Variants in NUP133 observed in about 807,000 individuals in gnomAD.
The protein encoded by NUP133 is nucleoporin 133, also known as nuclear pore complex protein Nup133.
NUP133 carries 66 observed loss-of-function variants against 146.2 expected under a neutral mutation model. That is an observed-to-expected ratio of 0.45 (90% CI 0.37 to 0.55). NUP133 has a LOEUF of 0.55. Among genes scored for constraint, NUP133 ranks in the 20% least tolerant of loss-of-function variants. The pLI, the probability that NUP133 is intolerant of heterozygous loss-of-function variation, is 0.00. For missense variants in NUP133, 1,277 were observed against 1,374.8 expected, an observed-to-expected ratio of 0.93 and a Z score of 1.12; for synonymous variants, 521 against 498.8, an observed-to-expected ratio of 1.04 and a Z score of -0.59.
intron 22 of NUP133, 26 bp from the exon 23 acceptor site, chr1:229,450,631 A>T: frequency 8.4e-7 from 1 of 1,190,692 alleles, no homozygotes; most frequent in Non-Finnish European, 1.2e-6. Flanking sequence ...ATAAGGTAGA[A>T]GATTATACAA....
At chr1:229,462,798 C>T (rs773813995) in intron 19 of NUP133, among the ~76,000 whole-genome samples, 6 of 152,084 alleles carry the variant, frequency 3.9e-5, no homozygotes, top group South Asian at 2.1e-4. Context: ...GTGATCCTAC[C>T]GCCTTGGCCT....
chr1:229,466,607 G>C (rs746342214), intron 16 of NUP133, 27 bp downstream of exon 16: 8 of 1,613,104 alleles, frequency 5.0e-6, no homozygotes, highest in Non-Finnish European at 6.8e-6. Flanking sequence ...GCTTTGATTT[G>C]CTGAAGCCTT....
chr1:229,493,817 C>G (rs542818531), intron 8 of NUP133, among the ~76,000 whole-genome samples: 2 of 152,146 alleles, frequency 1.3e-5, no homozygotes, highest in Admixed American at 1.3e-4. Flanking sequence ...CCTCATGCCT[C>G]CAATTCAGAA....
intron 19 of NUP133, among the ~76,000 whole-genome samples, chr1:229,461,396 T>G (rs751506142): frequency 6.6e-6 from 1 of 152,202 alleles, no homozygotes; most frequent in Non-Finnish European, 1.5e-5. Flanking sequence ...TAAGAGATAC[T>G]TTCCCTAAAG....
chr1:229,465,506 G>A lies in NUP133; in HGVS notation c.2213C>T (p.Ala738Val). Residue 738 changes from alanine (A) to valine (V), a missense_variant, in exon 17 of 26, where the codon GCT becomes GTT. By Grantham distance (64) the Ala-to-Val change is moderately conservative. Around this residue, in one of 3 missense-constraint regions of NUP133, gnomAD observed 952 missense variants for 1,047.0 expected, o/e 0.91. Coordinates refer to ENST00000261396, the MANE Select transcript of NUP133 (RefSeq NM_018230.3). ...VNNILKDMLQ[A>V]ASHYRQNRNS... The stretch of plus-strand genomic sequence containing the variant: ...TCTATTTTGGCGATAATGACTAGCA[G>A]CCTGCAGCATATCCTGGAAAAAAAG... 1 of 1,613,312 alleles carries A rather than the reference G, an allele frequency of 6.2e-7. No individual in the cohort carries two copies. The highest frequency in any genetic ancestry group is 1.1e-5 in the South Asian group (1 of 91,070).
At chr1:229,442,792 G>GC (rs2102742735) in intron 25 of NUP133, among the ~76,000 whole-genome samples, 1 of 147,630 alleles carries the variant, frequency 6.8e-6, no homozygotes, top group East Asian at 2.0e-4. Context: ...AGCAACCTCT[G>GC]CCTTCTGGGT....
At chr1:229,492,933 T>A (rs1470343272) in intron 8 of NUP133, among the ~76,000 whole-genome samples, 1 of 151,752 alleles carries the variant, frequency 6.6e-6, no homozygotes, top group African/African-American at 2.4e-5. Context: ...AAAAAAAAAA[T>A]CAACTTTAAA....
At position 229,442,040 on chromosome 1, in the gene NUP133, C is replaced by G; in HGVS notation, c.3335G>C (p.Gly1112Ala). 1 of 1,555,406 alleles carries G rather than the reference C, an allele frequency of 6.4e-7. No individual in the cohort carries two copies. ...CGGTAAGTACTCACTGAGCTGAATG[C>G]CTATAAACACAAACACAAGAAGTCA... ...VKILQKLLKDGIQLSEYLPEV... is the reference protein window; with the variant it reads ...VKILQKLLKDAIQLSEYLPEV... Residue 1112 changes from glycine (G) to alanine (A), a missense_variant and splice_region_variant, in exon 26 of 26, where the codon GGC becomes GCC. Around this residue, in one of 3 missense-constraint regions of NUP133, gnomAD observed 952 missense variants for 1,047.0 expected, o/e 0.91. Transcript: ENST00000261396.
chr1:229,488,058 C>A (rs996656469), intron 9 of NUP133, among the ~76,000 whole-genome samples: 1 of 151,988 alleles, frequency 6.6e-6, no homozygotes, highest in African/African-American at 2.4e-5. Flanking sequence ...GTTGGCCAGG[C>A]TGGTCTTGAA....
At chr1:229,503,143 T>TGGG (rs1661847938) in intron 2 of NUP133, among the ~76,000 whole-genome samples, 3 of 151,394 alleles carry the variant, frequency 2.0e-5, no homozygotes, top group African/African-American at 7.3e-5. Context: ...GGGGGCATGG[T>TGGG]GGCGTGCACC....
chr1:229,492,485 A>C (rs1338766243), intron 8 of NUP133, among the ~76,000 whole-genome samples: 1 of 152,172 alleles, frequency 6.6e-6, no homozygotes, highest in East Asian at 1.9e-4. Context: ...ACTAAAAATA[A>C]GAAACCAAGC....
Position 229,463,659 on chromosome 1 carries a change from G to C in NUP133, c.2569C>G (p.Leu857Val), listed in dbSNP as rs372600439. The C allele has an allele frequency of 3.7e-5, 60 of 1,612,464 alleles. No individual in the cohort carries two copies. Among genetic ancestry groups the C allele is most frequent in the Non-Finnish European group, 5.0e-5 (59 of 1,179,698 alleles). ...LSPLLSLGQY[L>V]WAASLAEKYC... is the part of the protein sequence containing the mutation. ...TTCTCTGCTAGAGAAGCAGCCCACA[G>C]GTACTGGCCTAGTGAAACTGTGGGA... is the stretch of plus-strand genomic sequence containing the variant. The change falls in exon 19 of 26, where the codon CTG (leucine) becomes GTG (valine). Residue 857 changes from leucine (L) to valine (V), a missense_variant. Around this residue, in one of 3 missense-constraint regions of NUP133, gnomAD observed 952 missense variants for 1,047.0 expected, o/e 0.91. Transcript: ENST00000261396.
chr1:229,476,118 A>AG (rs1553258484), intron 13 of NUP133, among the ~76,000 whole-genome samples: 3 of 151,458 alleles, frequency 2.0e-5, no homozygotes, highest in Non-Finnish European at 2.9e-5. Context: ...AAAAAAGAAA[A>AG]GGGAAAAAAA....
chr1:229,493,317 ATG>A (rs1489390058), intron 8 of NUP133, among the ~76,000 whole-genome samples: 1 of 152,160 alleles, frequency 6.6e-6, no homozygotes, highest in African/African-American at 2.4e-5. Context: ...AGCTGGGACT[ATG>A]GTACACACCA....
intron 7 of NUP133, 61 bp from the exon 8 acceptor site, chr1:229,495,626 T>A (rs1661637461): frequency 7.9e-7 from 1 of 1,260,300 alleles, no homozygotes. Context: ...TTTTCACCTT[T>A]ATATCCCTAG....
chr1:229,477,962 A>G (rs968980871), intron 12 of NUP133, among the ~76,000 whole-genome samples: 9 of 152,202 alleles, frequency 5.9e-5, no homozygotes, highest in African/African-American at 2.2e-4. Flanking sequence ...TACATGTTCA[A>G]TAATTTAGTG....
At chr1:229,453,817 G>C (rs573601316) in intron 21 of NUP133, among the ~76,000 whole-genome samples, 3 of 152,260 alleles carry the variant, frequency 2.0e-5, no homozygotes, top group Admixed American at 6.5e-5. Context: ...TTTGTGTGTT[G>C]ATAAATTTTA....
At chr1:229,464,418 T>C (rs1487297100) in intron 18 of NUP133, among the ~76,000 whole-genome samples, 4 of 152,192 alleles carry the variant, frequency 2.6e-5, no homozygotes, top group Non-Finnish European at 5.9e-5. Context: ...TATTTATTAA[T>C]TGTCTTCAGT....
At chr1:229,472,732 A>ATATATATATATATAT (rs1269410536) in intron 14 of NUP133, among the ~76,000 whole-genome samples, 29 of 146,686 alleles carry the variant, frequency 2.0e-4, no homozygotes, top group Middle Eastern at 3.6e-3. Context: ...ATATATGTAC[A>ATATATATATATATAT]ATCATTCTAG....
Sources: allele counts gnomAD v4.1 joint callset (sites outside exome capture counted in the v4.1 genomes callset), GRCh38; gene constraint gnomAD v4.1.1; regional missense constraint gnomAD v4.1.1; transcripts MANE v1.5; gene names NCBI Gene and HGNC (gene_info 2026-07-23, HGNC 2026-07-21).